Variants in SYTL3 observed in about 807,000 individuals in gnomAD.
SYTL3 encodes the protein synaptotagmin like 3.
In SYTL3, 88 loss-of-function variants were observed where a neutral mutation model predicts 82.1. The observed-to-expected ratio is 1.07, with a 90% CI of 0.90 to 1.28. The LOEUF (loss-of-function observed/expected upper bound fraction) is 1.28, where lower values mean the gene tolerates loss of function less well. Among genes scored for constraint, SYTL3 ranks in the 50% most tolerant of loss-of-function variants. The probability of loss-of-function intolerance (pLI) is 0.00; values close to 1 mark genes in which losing one functional copy is unlikely to be tolerated. For synonymous variants in SYTL3, 311 were observed against 289.4 expected (o/e 1.07, Z -0.76); for missense variants, 831 against 757.6 (o/e 1.10, Z -1.14).
intron 4 of SYTL3, among the ~76,000 whole-genome samples, chr6:158,665,034 GTGTCTTTTCC>G (rs1203095545): frequency 2.0e-5 from 3 of 152,222 alleles, no homozygotes; most frequent in Admixed American, 1.3e-4. Flanking sequence ...GCTCCTTTCA[GTGTCTTTTCC>G]TCTCCTTTCA....
chr6:158,669,840 C>T (rs2119527), intron 5 of SYTL3, among the ~76,000 whole-genome samples: 5,065 of 152,280 alleles, frequency 0.033, 268 homozygotes, highest in African/African-American at 0.11. Flanking sequence ...GTGTGTATGC[C>T]TGTGGTCCCA....
chr6:158,646,902 G>T (rs1023761520), upstream of SYTL3, among the ~76,000 whole-genome samples: 9 of 152,042 alleles, frequency 5.9e-5, no homozygotes, highest in African/African-American at 1.9e-4. Context: ...CAAGCTCTTG[G>T]CCCCACCACG....
intron 5 of SYTL3, among the ~76,000 whole-genome samples, chr6:158,669,373 ACAAAT>A (rs1777111501): frequency 6.6e-6 from 1 of 152,238 alleles, no homozygotes; most frequent in South Asian, 2.1e-4. Context: ...TGCTGTGACA[ACAAAT>A]CAATGATTCT....
chr6:158,758,040 C>T (rs537385483), intron 14 of SYTL3, among the ~76,000 whole-genome samples: 71 of 152,212 alleles, frequency 4.7e-4, no homozygotes, highest in African/African-American at 1.4e-3. Context: ...TAGCATTTCT[C>T]GGAGACGCTG....
Position 158,704,160 on chromosome 6 carries a change from AC to A in SYTL3, c.395-3069del, listed in dbSNP as rs1039228168. 4.7e-5 allele frequency among the ~76,000 whole-genome samples: 7 copies of A among 149,670 alleles called. No individual in the cohort carries two copies. The East Asian group carries it at 1.2e-3, about 25-fold the overall frequency. On this transcript the variant is annotated intron_variant, in intron 6 of 17. Transcript: ENST00000611299. ...CATTTTTAAATGGTTAAAAAAAAAA[AC>A]AAAAGAATAATCTTTGTGACACATT...
chr6:158,662,537 G>T lies in SYTL3; in HGVS notation c.-519-213G>T, dbSNP rs1368256654. Reference sequence around the variant, plus strand: ...ACTTTTACGTCCTCTGACCACTAAAGTTATGGAATCCATATTAGGAAAATT... The same window carrying T: ...ACTTTTACGTCCTCTGACCACTAAATTTATGGAATCCATATTAGGAAAATT... On this transcript the variant is annotated intron_variant, in intron 3 of 17. Coordinates refer to ENST00000611299, the MANE Select transcript of SYTL3 (RefSeq NM_001242394.2). 2.0e-5 allele frequency among the ~76,000 whole-genome samples: 3 copies of T among 152,176 alleles called. No individual in the cohort carries two copies. The East Asian group carries it at 5.8e-4, about 29-fold the overall frequency.
intron 11 of SYTL3, among the ~76,000 whole-genome samples, chr6:158,737,714 A>C (rs1786377220): frequency 6.6e-6 from 1 of 152,278 alleles, no homozygotes; most frequent in Non-Finnish European, 1.5e-5. Flanking sequence ...CAGAGAGAGC[A>C]GAACCAGGAG....
Position 158,703,231 on chromosome 6 carries a change from G to A in SYTL3, c.395-3999G>A, listed in dbSNP as rs9457442. On this transcript the variant is annotated intron_variant, in intron 6 of 17. Coordinates refer to ENST00000611299, the MANE Select transcript of SYTL3 (RefSeq NM_001242394.2). Reference sequence around the variant, plus strand: ...GCAGCAAATGTGTGCAAAATGCTCCGCGCCGTGCCTGGCAGACACGGCTGC... The same window carrying A: ...GCAGCAAATGTGTGCAAAATGCTCCACGCCGTGCCTGGCAGACACGGCTGC... Among the ~76,000 whole-genome samples the A allele has an allele frequency of 2.1e-4, 32 of 149,532 alleles. No individual in the cohort carries two copies. In the East Asian group the frequency reaches 5.4e-3, roughly 25 times the overall value.
At chr6:158,660,716 A>G (rs1466722729) in intron 2 of SYTL3, among the ~76,000 whole-genome samples, 2 of 152,186 alleles carry the variant, frequency 1.3e-5, no homozygotes, top group Non-Finnish European at 2.9e-5. Context: ...GCCACATGAA[A>G]AGAAAGCACA....
At chr6:158,711,087 C>T (rs763090556) in intron 8 of SYTL3, among the ~76,000 whole-genome samples, 9 of 152,168 alleles carry the variant, frequency 5.9e-5, no homozygotes, top group African/African-American at 2.2e-4. Context: ...GCCAGGTCTA[C>T]GCATTTTGTA....
chr6:158,706,247 C>G (rs191271365), intron 6 of SYTL3, among the ~76,000 whole-genome samples: 1 of 152,092 alleles, frequency 6.6e-6, no homozygotes, highest in South Asian at 2.1e-4. Flanking sequence ...CTCCTGCACT[C>G]GCTATGGCCA....
At chr6:158,682,834 T>G in intron 5 of SYTL3, 91 bp from the exon 6 acceptor site, 2 of 924,078 alleles carry the variant, frequency 2.2e-6, no homozygotes, top group Non-Finnish European at 3.4e-6. Flanking sequence ...AAGACTAATA[T>G]TTTGTGACCT....
In SYTL3 at chr6:158,761,389, G is replaced by A. The variant is rs144019955; in HGVS notation, c.1414+644G>A. On this transcript the variant is annotated intron_variant, in intron 15 of 17. Coordinates refer to ENST00000611299, the MANE Select transcript of SYTL3 (RefSeq NM_001242394.2). ...CCGATCTTGGCTCACTGCAAGCTTCGCCTCCCTGATTCATGCCATTCTCCT... is the reference window on the plus strand; with the variant it reads ...CCGATCTTGGCTCACTGCAAGCTTCACCTCCCTGATTCATGCCATTCTCCT... 2.2e-3 allele frequency among the ~76,000 whole-genome samples: 318 copies of A among 143,940 alleles called. 1 individual carries two copies. The highest frequency in any genetic ancestry group is 7.9e-3 in the African/African-American group (306 of 38,622). 94.4% of individuals were successfully genotyped at this position (143,940 alleles called of 152,430 possible).
chr6:158,651,368 G>A (rs1468259577), intron 1 of SYTL3, among the ~76,000 whole-genome samples: 2 of 152,092 alleles, frequency 1.3e-5, no homozygotes, highest in African/African-American at 2.4e-5. Flanking sequence ...CTAGGCGGAT[G>A]GATCATGAGG....
upstream of SYTL3, among the ~76,000 whole-genome samples, chr6:158,645,079 A>C (rs1016408420): frequency 3.3e-5 from 5 of 152,152 alleles, no homozygotes; most frequent in Admixed American, 1.3e-4. Flanking sequence ...ATTGACGCGG[A>C]CGTTCAAACC....
At chr6:158,701,225 A>AGCC (rs1781203988) in intron 6 of SYTL3, among the ~76,000 whole-genome samples, 1 of 33,654 alleles carries the variant, frequency 3.0e-5, no homozygotes, top group African/African-American at 3.2e-4. Flanking sequence ...TAGATGAAGG[A>AGCC]GTGTGAGCTG....
At chr6:158,737,743 G>C (rs1167529423) in intron 11 of SYTL3, among the ~76,000 whole-genome samples, 1 of 152,244 alleles carries the variant, frequency 6.6e-6, no homozygotes, top group Non-Finnish European at 1.5e-5. Context: ...GGGCGATGGT[G>C]GTGGAGCCAT....
chr6:158,723,783 C>T (rs1784398689), intron 10 of SYTL3, among the ~76,000 whole-genome samples: 1 of 152,108 alleles, frequency 6.6e-6, no homozygotes, highest in Non-Finnish European at 1.5e-5. Context: ...ATTCTTGAAC[C>T]CCTCCCATTG....
Position 158,762,131 on chromosome 6 carries a change from G to C in SYTL3, c.1470G>C (p.Lys490Asn), listed in dbSNP as rs753169393. 1 of 1,613,958 alleles carries C rather than the reference G, an allele frequency of 6.2e-7. No individual in the cohort carries two copies. The highest frequency in any genetic ancestry group is 8.5e-7 in the Non-Finnish European group (1 of 1,179,984). Reference sequence around the variant, plus strand: ...TTTGTTTGGTAGTGCTAGGAGCCAAGAATTTACCTGTGCGGCCAGATGGCA... The same window carrying C: ...TTTGTTTGGTAGTGCTAGGAGCCAACAATTTACCTGTGCGGCCAGATGGCA... ...GQLCLVVLGA[K>N]NLPVRPDGTL... Residue 490 changes from lysine (K) to asparagine (N), a missense_variant, in exon 16 of 18, where the codon AAG becomes AAC. Lys to Asn is a moderately conservative substitution (Grantham distance 94). Transcript: ENST00000611299.
Sources: allele counts gnomAD v4.1 joint callset (sites outside exome capture counted in the v4.1 genomes callset), GRCh38; gene constraint gnomAD v4.1.1; transcripts MANE v1.5; gene names NCBI Gene and HGNC (gene_info 2026-07-23, HGNC 2026-07-21).